PDZD8: variants seen among roughly 807,000 people sequenced by gnomAD.
PDZD8 encodes the protein PDZ domain containing 8, also known as PDZ domain-containing protein 8.
Under a neutral mutation model 85.8 loss-of-function variants are expected in PDZD8, and 14 were observed. That is an observed-to-expected ratio of 0.16 (90% confidence interval 0.11 to 0.26). The LOEUF (loss-of-function observed/expected upper bound fraction) is 0.26. Among genes scored for constraint, PDZD8 ranks in the 10% least tolerant of loss-of-function variants. The probability of loss-of-function intolerance (pLI) is 1.00; values close to 1 mark genes in which losing one functional copy is unlikely to be tolerated. For missense variants in PDZD8, 1,197 were observed against 1,424.3 expected, an observed-to-expected ratio of 0.84 and a Z score of 2.57; for synonymous variants, 592 against 568.6, an observed-to-expected ratio of 1.04 and a Z score of -0.59.
chr10:117,335,558 G>A (rs1270163587), intron 2 of PDZD8, among the ~76,000 whole-genome samples: 1 of 152,144 alleles, frequency 6.6e-6, no homozygotes, highest in Non-Finnish European at 1.5e-5. Context: ...TGGGTTTGCA[G>A]AAGCATGTTA....
intron 1 of PDZD8, among the ~76,000 whole-genome samples, chr10:117,352,755 G>T (rs1368181774): frequency 2.0e-5 from 3 of 152,156 alleles, no homozygotes; most frequent in African/African-American, 7.2e-5. Context: ...GACAGACCAT[G>T]GTGGCATTGT....
chr10:117,283,546 C>T lies in PDZD8; in HGVS notation c.3187G>A (p.Glu1063Lys). 2 of 1,614,184 alleles carry T rather than the reference C, an allele frequency of 1.2e-6. No homozygotes were observed. Among genetic ancestry groups the T allele is most frequent in the Non-Finnish European group, 1.7e-6 (2 of 1,180,030 alleles). The change falls in exon 5 of 5, where the codon GAG becomes AAG. Residue 1063 changes from glutamate (E) to lysine (K), a missense_variant. Glu to Lys is a moderately conservative substitution (Grantham distance 56). This residue lies in a region of PDZD8 where 418 missense variants were observed against 571.1 expected (regional missense o/e 0.73). Transcript: ENST00000334464. ...HNNSLVREEK[E>K]TTDTRKKSLL... ...GATTTTTTCCTTGTATCAGTTGTCT[C>T]TTTTTCTTCTCTAACAAGGGAATTA...
At chr10:117,362,935 C>G (rs1168993565) in intron 1 of PDZD8, among the ~76,000 whole-genome samples, 1 of 152,014 alleles carries the variant, frequency 6.6e-6, no homozygotes, top group Non-Finnish European at 1.5e-5. Context: ...GTTTGCCATT[C>G]TGGTCTCGAT....
At chr10:117,300,459 A>G (rs2794421) in intron 3 of PDZD8, among the ~76,000 whole-genome samples, 117,613 of 152,082 alleles carry the variant, frequency 0.77, 46,064 homozygotes, top group Non-Finnish European at 0.85. Flanking sequence ...GTCTTCAAAA[A>G]CCATTCTATA....
intron 3 of PDZD8, among the ~76,000 whole-genome samples, chr10:117,302,423 T>A (rs1050671921): frequency 6.6e-6 from 1 of 152,210 alleles, no homozygotes; most frequent in Non-Finnish European, 1.5e-5. Flanking sequence ...ATGGCAAATG[T>A]CTTGTTTTTA....
chr10:117,310,321 T>TA (rs1351165866), intron 3 of PDZD8, among the ~76,000 whole-genome samples: 1 of 152,170 alleles, frequency 6.6e-6, no homozygotes, highest in Non-Finnish European at 1.5e-5. Flanking sequence ...GTACTACTGA[T>TA]ACTCACAGTA....
chr10:117,285,813 CAGAG>C (rs1008164368), intron 4 of PDZD8: 209 of 888,604 alleles, frequency 2.4e-4, no homozygotes, highest in Admixed American at 2.2e-4. Context: ...AAGAAGTGAA[CAGAG>C]AGAGATCTAT....
At chr10:117,354,603 A>T (rs1844861353) in intron 1 of PDZD8, among the ~76,000 whole-genome samples, 1 of 150,950 alleles carries the variant, frequency 6.6e-6, no homozygotes, top group South Asian at 2.1e-4. Flanking sequence ...AGACCAGTCA[A>T]AGTTAGATAC....
chr10:117,366,911 C>A (rs918850859), intron 1 of PDZD8, among the ~76,000 whole-genome samples: 24 of 152,214 alleles, frequency 1.6e-4, no homozygotes, highest in African/African-American at 5.3e-4. Flanking sequence ...CCACACAGTG[C>A]CTAATGAATA....
At chr10:117,290,087 A>C in intron 4 of PDZD8, 99 bp downstream of exon 4, 1 of 1,027,004 alleles carries the variant, frequency 9.7e-7, no homozygotes, top group African/African-American at 1.6e-5. Context: ...TGACATATGC[A>C]TATTATAGAA....
chr10:117,330,173 T>TA, intron 2 of PDZD8, among the ~76,000 whole-genome samples: 1 of 152,042 alleles, frequency 6.6e-6, no homozygotes, highest in Non-Finnish European at 1.5e-5. Context: ...GTTGACCTTT[T>TA]ATACATGCTC....
chr10:117,367,947 G>A (rs1039750348), intron 1 of PDZD8, among the ~76,000 whole-genome samples: 1 of 151,774 alleles, frequency 6.6e-6, no homozygotes. Flanking sequence ...CATTACATAC[G>A]GTACCACAGT....
intron 4 of PDZD8, among the ~76,000 whole-genome samples, chr10:117,287,669 A>G (rs780269520): frequency 6.6e-6 from 1 of 152,160 alleles, no homozygotes; most frequent in Non-Finnish European, 1.5e-5. Flanking sequence ...CCCTGTTCAG[A>G]TCCTCCTGAT....
chr10:117,325,404 C>CTTTTTTTTTTTTTTTTTTTT (rs71013659), intron 2 of PDZD8, among the ~76,000 whole-genome samples: 1 of 99,824 alleles, frequency 1.0e-5, no homozygotes, highest in African/African-American at 3.7e-5. Context: ...GAAAAGCCAA[C>CTTTTTTTTTTTTTTTTTTTT]TTTTTTTTTT....
intron 2 of PDZD8, among the ~76,000 whole-genome samples, chr10:117,333,117 C>CAAAAAAAAACA (rs1554854831): frequency 0.036 from 256 of 7,176 alleles, 38 homozygotes; most frequent in Non-Finnish European, 0.091. Flanking sequence ...GACTCTGTCT[C>CAAAAAAAAACA]AAAAAAAAAA....
At chr10:117,313,007 T>A (rs2532839) in intron 3 of PDZD8, among the ~76,000 whole-genome samples, 116,160 of 152,132 alleles carry the variant, frequency 0.76, 45,109 homozygotes, top group Non-Finnish European at 0.85. Context: ...ACTGACTACT[T>A]CTTTAAGAAT....
chr10:117,347,512 G>A (rs865803195), intron 1 of PDZD8, among the ~76,000 whole-genome samples: 1 of 152,082 alleles, frequency 6.6e-6, no homozygotes, highest in Admixed American at 6.5e-5. Flanking sequence ...ATAAAACCAA[G>A]CTGTACCCCT....
chr10:117,344,352 T>A (rs1474989170), intron 1 of PDZD8, among the ~76,000 whole-genome samples: 1 of 152,228 alleles, frequency 6.6e-6, no homozygotes, highest in African/African-American at 2.4e-5. Flanking sequence ...CCCAACAAGC[T>A]CAGGGTGGCA....
intron 3 of PDZD8, among the ~76,000 whole-genome samples, chr10:117,307,894 C>A (rs888509181): frequency 3.3e-5 from 5 of 152,006 alleles, no homozygotes; most frequent in African/African-American, 4.8e-5. Context: ...TTACTTTTAG[C>A]TTATTCATTT....
Sources: allele counts gnomAD v4.1 joint callset (sites outside exome capture counted in the v4.1 genomes callset), GRCh38; gene constraint gnomAD v4.1.1; regional missense constraint gnomAD v4.1.1; transcripts MANE v1.5; gene names NCBI Gene and HGNC (gene_info 2026-07-23, HGNC 2026-07-21).